Variants in PRKCA observed in about 807,000 individuals in gnomAD.
PRKCA encodes the protein protein kinase C alpha.
In PRKCA, 27 loss-of-function variants were observed where a neutral mutation model predicts 87.0. That is an observed-to-expected ratio of 0.31 (90% CI 0.23 to 0.43). The LOEUF is 0.43. Among genes scored for constraint, PRKCA ranks in the 20% least tolerant of loss-of-function variants. PRKCA has a pLI of 1.00. For missense variants in PRKCA, 518 were observed against 852.3 expected, an observed-to-expected ratio of 0.61 and a Z score of 4.88; for synonymous variants, 329 against 311.1, an observed-to-expected ratio of 1.06 and a Z score of -0.61.
chr17:66,547,602 A>G (rs1007492921), intron 3 of PRKCA, among the ~76,000 whole-genome samples: 1 of 152,172 alleles, frequency 6.6e-6, no homozygotes, highest in South Asian at 2.1e-4. Context: ...GATGAATCCT[A>G]CCTACCCTGG....
intron 2 of PRKCA, among the ~76,000 whole-genome samples, chr17:66,409,033 C>CAAAA (rs10661202): frequency 0.015 from 1,112 of 76,274 alleles, 32 homozygotes; most frequent in South Asian, 0.024. Flanking sequence ...TCCCCAGTCT[C>CAAAA]AAAAAAAAAA....
At chr17:66,732,890 TCCTCGTAGTTTGCAGAATA>T in intron 9 of PRKCA, 65 bp downstream of exon 9, 1 of 1,565,352 alleles carries the variant, frequency 6.4e-7, no homozygotes, top group African/African-American at 1.4e-5. Flanking sequence ...AGTTTTGTTC[TCCTCGTAGTTTGCAGAATA>T]GCACATTAGA....
intron 2 of PRKCA, among the ~76,000 whole-genome samples, chr17:66,350,936 A>C (rs1413626321): frequency 6.6e-6 from 1 of 152,178 alleles, no homozygotes; most frequent in East Asian, 1.9e-4. Context: ...CAATGTGTGG[A>C]ACTCGCAGCG....
chr17:66,423,099 G>T (rs534066331), intron 2 of PRKCA, among the ~76,000 whole-genome samples: 1 of 151,054 alleles, frequency 6.6e-6, no homozygotes, highest in Non-Finnish European at 1.5e-5. Context: ...TGATAAAAGC[G>T]AGACCTTGTC....
Position 66,798,435 on chromosome 17 carries a change from C to CGGT in PRKCA, c.1855-5424_1855-5422dup, listed in dbSNP as rs1568040859. ...GTGATGGTGGTGGTGGTGGTGGTGA[C>CGGT]GGTGGTGGTGGTGGTGACGGTGGTG... On this transcript the variant is annotated intron_variant, in intron 16 of 16. Transcript: ENST00000413366. 6.6e-4 allele frequency among the ~76,000 whole-genome samples: 9 copies of CGGT among 13,690 alleles called. 1 individual carries two copies. Among genetic ancestry groups the CGGT allele is most frequent in the African/African-American group, 2.0e-3 (5 of 2,538 alleles). The allele number at this position is 13,690 out of a possible 152,430, so 9.0% of individuals were successfully genotyped here. A position where few individuals can be genotyped will look rare whatever the true frequency, so the allele number is the denominator to read the frequency against.
intron 2 of PRKCA, among the ~76,000 whole-genome samples, chr17:66,487,621 CTT>C (rs1396996116): frequency 1.3e-5 from 2 of 152,208 alleles, no homozygotes; most frequent in Non-Finnish European, 2.9e-5. Flanking sequence ...GGCTCTACCA[CTT>C]TACATTCCCA....
At chr17:66,764,124 G>A (rs1974746544) in intron 13 of PRKCA, among the ~76,000 whole-genome samples, 2 of 152,208 alleles carry the variant, frequency 1.3e-5, no homozygotes, top group African/African-American at 2.4e-5. Context: ...AAGCTACTGT[G>A]TCTCTCTGTA....
At chr17:66,665,888 G>C (rs1972030546) in intron 5 of PRKCA, among the ~76,000 whole-genome samples, 1 of 152,192 alleles carries the variant, frequency 6.6e-6, no homozygotes, top group African/African-American at 2.4e-5. Flanking sequence ...CATTAGGAAA[G>C]GCAATAGCAT....
At position 66,792,468 on chromosome 17, in the gene PRKCA, C is replaced by T. The variant is rs1056368964; in HGVS notation, c.1854+3489C>T. On this transcript the variant is annotated intron_variant, in intron 16 of 16. Coordinates refer to ENST00000413366, the MANE Select transcript of PRKCA (RefSeq NM_002737.3). The surrounding 1 kb of genome is among the most constrained non-coding windows in gnomAD (Gnocchi z 4.5). ...ATTCCACTGCTGGACAGCCACAGAG[C>T]TTATCAGGGAATCATGGTTCCTCTA... 6.6e-6 allele frequency among the ~76,000 whole-genome samples: 1 copy of T among 152,220 alleles called. No homozygotes were observed. The highest frequency in any genetic ancestry group is 1.5e-5 in the Non-Finnish European group (1 of 68,044).
chr17:66,333,472 A>G (rs1906473779), intron 2 of PRKCA, among the ~76,000 whole-genome samples: 1 of 152,178 alleles, frequency 6.6e-6, no homozygotes, highest in African/African-American at 2.4e-5. Flanking sequence ...CATTAACGTG[A>G]TTTGAAGCAC....
At chr17:66,453,213 T>C (rs963843827) in intron 2 of PRKCA, among the ~76,000 whole-genome samples, 3 of 152,288 alleles carry the variant, frequency 2.0e-5, no homozygotes, top group South Asian at 2.1e-4. Context: ...AAGGCAGGCA[T>C]TGGGGACTTG....
At chr17:66,323,676 A>C (rs1905809345) in intron 2 of PRKCA, among the ~76,000 whole-genome samples, 1 of 152,238 alleles carries the variant, frequency 6.6e-6, no homozygotes, top group African/African-American at 2.4e-5. Context: ...ACGGTGGCTC[A>C]TGCCTGTAAT....
At chr17:66,397,200 G>C (rs1910740092) in intron 2 of PRKCA, among the ~76,000 whole-genome samples, 1 of 149,986 alleles carries the variant, frequency 6.7e-6, no homozygotes, top group Non-Finnish European at 1.5e-5. Context: ...CCTGACCTCA[G>C]GTGATCCACC....
intron 2 of PRKCA, among the ~76,000 whole-genome samples, chr17:66,353,990 G>A (rs145399426): frequency 2.0e-5 from 3 of 152,270 alleles, no homozygotes; most frequent in East Asian, 3.9e-4. Context: ...TGCTGGCAAG[G>A]ATCACCATCG....
intron 13 of PRKCA, among the ~76,000 whole-genome samples, chr17:66,757,841 C>T (rs987618457): frequency 4.6e-5 from 7 of 152,190 alleles, no homozygotes; most frequent in Non-Finnish European, 1.0e-4. Context: ...TCTCCTGCCT[C>T]AGCCTCTCGA....
intron 13 of PRKCA, among the ~76,000 whole-genome samples, chr17:66,744,199 T>C (rs1029406122): frequency 7.9e-5 from 12 of 152,186 alleles, no homozygotes; most frequent in African/African-American, 2.9e-4. Context: ...TCTTGCTGCA[T>C]AACTTACTGG....
rs918140161 is a variant in PRKCA at position 66,803,809 on chromosome 17, C to T, written c.1855-64C>T. 75 of 1,579,412 alleles carry T rather than the reference C, an allele frequency of 4.7e-5. No homozygotes were observed. Among genetic ancestry groups the T allele is most frequent in the Admixed American group, 1.5e-4 (9 of 58,802 alleles). Reference sequence around the variant, plus strand: ...CGTGCCCCTCCCCAGAGAGGGCCCTCGGAGAGCTGCTCCCGCATTGTCATG... The same window carrying T: ...CGTGCCCCTCCCCAGAGAGGGCCCTTGGAGAGCTGCTCCCGCATTGTCATG... On this transcript the variant is annotated intron_variant, in intron 16 of 16. Transcript: ENST00000413366. The surrounding 1 kb of genome is among the most constrained non-coding windows in gnomAD (Gnocchi z 4.4).
At chr17:66,440,639 G>C (rs1205063146) in intron 2 of PRKCA, among the ~76,000 whole-genome samples, 1 of 152,156 alleles carries the variant, frequency 6.6e-6, no homozygotes, top group Non-Finnish European at 1.5e-5. Flanking sequence ...GTCTGGGACT[G>C]GTGGTCAAGG....
chr17:66,515,614 C>G (rs1312862105), intron 3 of PRKCA, among the ~76,000 whole-genome samples: 1 of 152,136 alleles, frequency 6.6e-6, no homozygotes, highest in Non-Finnish European at 1.5e-5. Context: ...GTGGTCACAG[C>G]TCACTGCGGC....
Sources: allele counts gnomAD v4.1 joint callset (sites outside exome capture counted in the v4.1 genomes callset), GRCh38; gene constraint gnomAD v4.1.1; non-coding constraint Gnocchi (gnomAD v3.1); transcripts MANE v1.5; gene names NCBI Gene and HGNC (gene_info 2026-07-23, HGNC 2026-07-21).